Variants in CADM1 observed in about 807,000 individuals in gnomAD.
The protein encoded by CADM1 is cell adhesion molecule 1.
In CADM1, 15 loss-of-function variants were observed where a neutral mutation model predicts 53.1. The observed-to-expected ratio is 0.28, with a 90% CI of 0.19 to 0.44. The LOEUF (loss-of-function observed/expected upper bound fraction) is 0.44, where lower values mean the gene tolerates loss of function less well. CADM1 is among the 20% of genes least tolerant of loss of function. CADM1 has a pLI of 1.00. For synonymous variants in CADM1, 281 were observed against 243.0 expected, an observed-to-expected ratio of 1.16 and a Z score of -1.45; for missense variants, 434 against 611.3, an observed-to-expected ratio of 0.71 and a Z score of 3.06.
At chr11:115,255,307 C>T (rs188911395) in intron 1 of CADM1, among the ~76,000 whole-genome samples, 2 of 152,242 alleles carry the variant, frequency 1.3e-5, no homozygotes, top group East Asian at 1.9e-4. Context: ...TTCCGTAGCA[C>T]CCAATTGTAC....
intron 1 of CADM1, among the ~76,000 whole-genome samples, chr11:115,312,706 T>C (rs180807499): frequency 1.0e-3 from 156 of 152,212 alleles, no homozygotes; most frequent in African/African-American, 3.5e-3. Flanking sequence ...AAATTAAGTG[T>C]CTAGTTGTGC....
chr11:115,206,758 CTTTTTTTTTTTTTTTTT>C (rs56270694), intron 8 of CADM1, among the ~76,000 whole-genome samples: 2 of 38,206 alleles, frequency 5.2e-5, no homozygotes, highest in Non-Finnish European at 9.0e-5. Flanking sequence ...CTGTGGACTT[CTTTTTTTTTTTTTTTTT>C]TTTTTTTTTT....
intron 8 of CADM1, among the ~76,000 whole-genome samples, chr11:115,201,863 T>C (rs1430352926): frequency 1.3e-5 from 2 of 152,336 alleles, no homozygotes; most frequent in East Asian, 1.9e-4. Context: ...AAATTTATTA[T>C]ACATTTATAT....
At chr11:115,296,904 C>T (rs1345706321) in intron 1 of CADM1, among the ~76,000 whole-genome samples, 1 of 152,130 alleles carries the variant, frequency 6.6e-6, no homozygotes, top group African/African-American at 2.4e-5. Flanking sequence ...ATGGGTTTGT[C>T]TTAATAAGTA....
At chr11:115,394,817 T>C (rs540014500) in intron 1 of CADM1, among the ~76,000 whole-genome samples, 14 of 152,250 alleles carry the variant, frequency 9.2e-5, no homozygotes, top group African/African-American at 1.4e-4. Context: ...CAAAATTTCC[T>C]AAAATTTTGA....
In CADM1 at chr11:115,295,549, T is replaced by TATATAA. The variant is rs1242865488; in HGVS notation, c.125-55130_125-55129insTTATAT. ...ATATATATATATATATATATATATA[T>TATATAA]AATATATATGTATATGCACATATAT... On this transcript the variant is annotated intron_variant, in intron 1 of 11. Transcript: ENST00000331581. Among the ~76,000 whole-genome samples the TATATAA allele has an allele frequency of 6.4e-4, 33 of 51,702 alleles. No individual in the cohort carries two copies. In the East Asian group the frequency reaches 0.01, roughly 16 times the overall value. 33.9% of individuals were successfully genotyped at this position (51,702 alleles called of 152,430 possible).
At chr11:115,438,474 C>A (rs1188689704) in intron 1 of CADM1, among the ~76,000 whole-genome samples, 1 of 151,606 alleles carries the variant, frequency 6.6e-6, no homozygotes, top group Admixed American at 6.6e-5. Context: ...TGGAAGGCAA[C>A]GATGAAACAA....
intron 1 of CADM1, among the ~76,000 whole-genome samples, chr11:115,307,692 A>C (rs1458093562): frequency 1.3e-5 from 2 of 151,938 alleles, no homozygotes. Flanking sequence ...GAGACTTTAA[A>C]ACTTTGAAGA....
In CADM1 at chr11:115,470,837, T is replaced by C. The variant is rs187751406; in HGVS notation, c.124+33434A>G. Among the ~76,000 whole-genome samples, 306 of 152,278 alleles carry C rather than the reference T, an allele frequency of 2.0e-3. 1 individual carries two copies. The highest frequency in any genetic ancestry group is 3.4e-3 in the Non-Finnish European group (234 of 68,018). ...CTTGCAATATAACAATCATATGAAG[T>C]AGACAGTATTATCCCAATTTTTTAT... is the stretch of plus-strand genomic sequence containing the variant. On this transcript the variant is annotated intron_variant, in intron 1 of 11. Coordinates refer to ENST00000331581, the MANE Select transcript of CADM1 (RefSeq NM_001301043.2).
Position 115,334,705 on chromosome 11 carries a change from A to C in CADM1, c.125-94285T>G, listed in dbSNP as rs1945221279. On this transcript the variant is annotated intron_variant, in intron 1 of 11. Coordinates refer to ENST00000331581, the MANE Select transcript of CADM1 (RefSeq NM_001301043.2). ...ATACATCCCCTGAGAATAAAGGGGGACAACTATATGCCACCAGAATATCAC... is the reference window on the plus strand; with the variant it reads ...ATACATCCCCTGAGAATAAAGGGGGCCAACTATATGCCACCAGAATATCAC... Among the ~76,000 whole-genome samples the C allele has an allele frequency of 2.0e-5, 3 of 152,224 alleles. No homozygotes were observed. The South Asian group carries it at 6.2e-4, about 32-fold the overall frequency.
chr11:115,305,245 A>G (rs1944334102), intron 1 of CADM1, among the ~76,000 whole-genome samples: 1 of 152,110 alleles, frequency 6.6e-6, no homozygotes, highest in Non-Finnish European at 1.5e-5. Context: ...GCCATGCAAC[A>G]CCCAGAAGGC....
chr11:115,229,885 A>C (rs1941754794), intron 4 of CADM1, among the ~76,000 whole-genome samples: 3 of 152,194 alleles, frequency 2.0e-5, no homozygotes. Context: ...ATGCAGTGGC[A>C]GTGGGCTAGA....
intron 1 of CADM1, among the ~76,000 whole-genome samples, chr11:115,492,261 C>T (rs2135429458): frequency 6.6e-6 from 1 of 152,070 alleles, no homozygotes; most frequent in African/African-American, 2.4e-5. Context: ...GAGAATAGAA[C>T]ACTACTCATT....
At position 115,202,198 on chromosome 11, in the gene CADM1, A is replaced by AT. The variant is rs1282638993; in HGVS notation, c.1079-3761_1079-3760insA. Among the ~76,000 whole-genome samples the AT allele has an allele frequency of 6.6e-5, 10 of 151,778 alleles. No homozygotes were observed. The East Asian group carries it at 1.9e-3, about 29-fold the overall frequency. On this transcript the variant is annotated intron_variant, in intron 8 of 11. Transcript: ENST00000331581. ...ATTTAACTAAGTAGCAAAAAAAAAA[A>AT]ATAATACTGCAGGAGAGGCAGCTGG...
In CADM1 at chr11:115,265,670, A is replaced by G. The variant is rs147677411; in HGVS notation, c.125-25250T>C. Among the ~76,000 whole-genome samples the G allele has an allele frequency of 7.2e-4, 110 of 152,350 alleles. 1 individual carries two copies. The highest frequency in any genetic ancestry group is 2.4e-3 in the African/African-American group (101 of 41,584). Reference sequence around the variant, plus strand: ...GGTTGTCTAATCTGTATTTGGGACCAGTAGTTCACTGGGTTAATCCAAAAG... The same window carrying G: ...GGTTGTCTAATCTGTATTTGGGACCGGTAGTTCACTGGGTTAATCCAAAAG... On this transcript the variant is annotated intron_variant, in intron 1 of 11. Coordinates refer to ENST00000331581, the MANE Select transcript of CADM1 (RefSeq NM_001301043.2).
intron 1 of CADM1, among the ~76,000 whole-genome samples, chr11:115,368,110 C>CTTTTTTTTTTTTTTT: frequency 1.6e-5 from 1 of 61,878 alleles, no homozygotes; most frequent in Middle Eastern, 0.014. Context: ...TCACTAGAGT[C>CTTTTTTTTTTTTTTT]TTTTTTTTTT....
At chr11:115,186,350 T>C (rs1939547930) in intron 10 of CADM1, among the ~76,000 whole-genome samples, 1 of 152,090 alleles carries the variant, frequency 6.6e-6, no homozygotes, top group African/African-American at 2.4e-5. Flanking sequence ...GATTTGATGC[T>C]GGGAAAAAAA....
At chr11:115,178,614 G>T in intron 11 of CADM1, 30 bp downstream of exon 11, 1 of 1,599,344 alleles carries the variant, frequency 6.3e-7, no homozygotes. Context: ...GTGGGGACAC[G>T]CTGCTTCTGT....
At chr11:115,420,454 T>C (rs1591212501) in intron 1 of CADM1, among the ~76,000 whole-genome samples, 1 of 152,210 alleles carries the variant, frequency 6.6e-6, no homozygotes, top group Admixed American at 6.5e-5. Flanking sequence ...TTTCTGCAGA[T>C]GTCTAACAAA....
Sources: gnomAD v4.1 joint callset for allele counts (sites outside exome capture counted in the v4.1 genomes callset) on GRCh38, gnomAD v4.1.1 for gene constraint, MANE v1.5 for transcripts, NCBI Gene and HGNC (gene_info 2026-07-23, HGNC 2026-07-21) for gene names.